Variants in EEF1A1 observed in about 807,000 individuals in gnomAD.
EEF1A1 encodes the protein elongation factor 1-alpha 1.
A neutral mutation model predicts 38.5 loss-of-function variants in EEF1A1; 1 was observed. The observed-to-expected ratio is 0.03, with a 90% CI of 0.01 to 0.12. The LOEUF (loss-of-function observed/expected upper bound fraction) is 0.12, where lower values mean the gene tolerates loss of function less well. EEF1A1 is among the 10% of genes least tolerant of loss of function. The pLI is 1.00. For missense variants in EEF1A1, 184 were observed against 588.3 expected (o/e 0.31, Z 7.11); for synonymous variants, 229 against 203.7 (o/e 1.12, Z -1.06).
chr6:73,518,906 T>TA, intron 4 of EEF1A1, 26 bp downstream of exon 4: 1 of 1,611,208 alleles, frequency 6.2e-7, no homozygotes, highest in Non-Finnish European at 8.5e-7. Context: ...CAGAGCTTTT[T>TA]AACAATGGTC....
At chr6:73,519,820 C>A in intron 2 of EEF1A1, 63 bp downstream of exon 2, 2 of 1,600,028 alleles carry the variant, frequency 1.2e-6, no homozygotes, top group Admixed American at 3.4e-5. Flanking sequence ...GGGGAAATCA[C>A]CTAATGATTC....
chr6:73,518,792 G>C lies in EEF1A1; in HGVS notation c.678C>G (p.Thr226=), dbSNP rs766506427. The C allele has an allele frequency of 3.4e-5, 55 of 1,614,054 alleles. No homozygotes were observed. The highest frequency in any genetic ancestry group is 4.7e-5 in the Non-Finnish European group (55 of 1,180,040). Residue 226 remains threonine, a synonymous_variant, in exon 5 of 8, where the codon ACC becomes ACG. Transcript: ENST00000309268. The stretch of plus-strand genomic sequence containing the variant: ...TGCAGTCCAGAGCCTCAAGCAGCGT[G>C]GTTCCACTGGCATTGCCATCCTTAC... ...VTRKDGNASG[T]TLLEALDCIL... is the part of the protein sequence containing the mutation.
In EEF1A1 at chr6:73,517,200, C is replaced by G. The variant is rs1175594538; in HGVS notation, c.*610G>C. 1 of 152,212 alleles carries G rather than the reference C, an allele frequency of 6.6e-6. No homozygotes were observed. Among genetic ancestry groups the G allele is most frequent in the Non-Finnish European group, 1.5e-5 (1 of 68,076 alleles). 9.4% of individuals were successfully genotyped at this position (152,212 alleles called of 1,614,324 possible). A position where few individuals can be genotyped will look rare whatever the true frequency, so the allele number is the denominator to read the frequency against. On this transcript the variant is annotated 3_prime_UTR_variant, in exon 8 of 8. Coordinates refer to ENST00000309268, the MANE Select transcript of EEF1A1 (RefSeq NM_001402.6). ...CCAGTAATTTGGAAACATTTTGTTTCCAAAGATTCACTTAACATTGGTTTA... is the reference window on the plus strand; with the variant it reads ...CCAGTAATTTGGAAACATTTTGTTTGCAAAGATTCACTTAACATTGGTTTA...
At chr6:73,518,324 C>T in intron 6 of EEF1A1, 30 bp downstream of exon 6, 1 of 1,611,920 alleles carries the variant, frequency 6.2e-7, no homozygotes, top group Middle Eastern at 1.7e-4. Context: ...TTAGCCTCTG[C>T]AATAAGTTAA....
chr6:73,520,112 G>T, intron 1 of EEF1A1, 56 bp from the exon 2 acceptor site: 2 of 1,503,012 alleles, frequency 1.3e-6, no homozygotes, highest in Non-Finnish European at 1.8e-6. Context: ...AATGAACCAA[G>T]ATCCAAACTC....
chr6:73,519,537 T>C (rs1326818278), intron 2 of EEF1A1, 21 bp from the exon 3 acceptor site: 5 of 1,566,406 alleles, frequency 3.2e-6, no homozygotes, highest in African/African-American at 2.7e-5. Context: ...TAAGAGTCGT[T>C]ACTTGGTTAC....
In EEF1A1 at chr6:73,515,781, C is replaced by G. The variant is rs1278197428; in HGVS notation, c.*2029G>C. ...CTTAAAATTCATTTATTGTAGTGAG[C>G]AAGTTTGTAATGAATACCAGCAGGT... On this transcript the variant is annotated 3_prime_UTR_variant, in exon 8 of 8. Coordinates refer to ENST00000309268, the MANE Select transcript of EEF1A1 (RefSeq NM_001402.6). 6.6e-6 allele frequency: 1 copy of G among 152,184 alleles called. No homozygotes were observed. The highest frequency in any genetic ancestry group is 1.9e-4 in the East Asian group (1 of 5,200). 9.4% of individuals were successfully genotyped at this position (152,184 alleles called of 1,614,324 possible). A position where few individuals can be genotyped will look rare whatever the true frequency, so the allele number is the denominator to read the frequency against.
Position 73,518,992 on chromosome 6 carries a change from T to C in EEF1A1, c.561A>G (p.Thr187=). ...YIKKIGYNPD[T]VAFVPISGWN... ...AACCAGAAATTGGCACAAATGCTAC[T>C]GTGTCGGGGTTGTAGCCAATTTTCT... The change falls in exon 4 of 8, where the codon ACA becomes ACG. Residue 187 remains threonine, a synonymous_variant. Transcript: ENST00000309268. 3.1e-6 allele frequency: 5 copies of C among 1,590,598 alleles called. No homozygotes were observed. Among genetic ancestry groups the C allele is most frequent in the South Asian group, 2.3e-5 (2 of 86,538 alleles).
At chr6:73,520,131 C>CAA in intron 1 of EEF1A1, 75 bp from the exon 2 acceptor site, 1 of 1,406,718 alleles carries the variant, frequency 7.1e-7, no homozygotes, top group Non-Finnish European at 9.5e-7. Context: ...TCAAAAAGGG[C>CAA]AAATTCCAAG....
In EEF1A1 at chr6:73,517,900, A is replaced by C. The variant is rs1765560204; in HGVS notation, c.1299T>G (p.Val433=). 6.2e-7 allele frequency: 1 copy of C among 1,613,138 alleles called. No individual in the cohort carries two copies. Among genetic ancestry groups the C allele is most frequent in the Non-Finnish European group, 8.5e-7 (1 of 1,179,798 alleles). Residue 433 remains valine, a synonymous_variant, in exon 8 of 8, where the codon GTT becomes GTG. Coordinates refer to ENST00000309268, the MANE Select transcript of EEF1A1 (RefSeq NM_001402.6). ...RFAVRDMRQT[V]AVGVIKAVDK... is the part of the protein sequence containing the mutation. ...CCACTGCTTTGATGACACCCACCGCAACTGTCTGTCTCATATCACGAACAG... is the reference window on the plus strand; with the variant it reads ...CCACTGCTTTGATGACACCCACCGCCACTGTCTGTCTCATATCACGAACAG...
At position 73,517,948 on chromosome 6, in the gene EEF1A1, A is replaced by G. The variant is rs557903705; in HGVS notation, c.1265-14T>C. The G allele has an allele frequency of 2.5e-6, 4 of 1,613,876 alleles. No homozygotes were observed. Among genetic ancestry groups the G allele is most frequent in the African/African-American group, 1.3e-5 (1 of 75,004 alleles). ...CAGCAAAGCGACCTATTAAAAAAAA[A>G]GTTAATTATTACCCAAAGTACTGTT... On this transcript the variant is annotated splice_polypyrimidine_tract_variant and intron_variant, in intron 7 of 7. Transcript: ENST00000309268.
At position 73,516,369 on chromosome 6, in the gene EEF1A1, C is replaced by CT. The variant is rs1765514591; in HGVS notation, c.*1440dup. ...GTGGCTCATGCCTGTAATTCCAGCACTTTAGGAGGCCGAGGCGATCACCTA... is the reference window on the plus strand; with the variant it reads ...GTGGCTCATGCCTGTAATTCCAGCACTTTTAGGAGGCCGAGGCGATCACCTA... On this transcript the variant is annotated 3_prime_UTR_variant, in exon 8 of 8. Transcript: ENST00000309268. 1 of 151,438 alleles carries CT rather than the reference C, an allele frequency of 6.6e-6. No individual in the cohort carries two copies. The highest frequency in any genetic ancestry group is 1.5e-5 in the Non-Finnish European group (1 of 67,884). The allele number at this position is 151,438 out of a possible 1,614,324, so 9.4% of individuals were successfully genotyped here.
chr6:73,519,641 T>G, intron 2 of EEF1A1, 125 bp from the exon 3 acceptor site: 1 of 1,264,196 alleles, frequency 7.9e-7, no homozygotes, highest in Non-Finnish European at 1.1e-6. Flanking sequence ...TTTTAGTCAC[T>G]TTGGGTTACA....
rs750948223 is a variant in EEF1A1 at position 73,518,789 on chromosome 6, C to A, written c.681G>T (p.Thr227=). Residue 227 remains threonine (T), a synonymous_variant, in exon 5 of 8, where the codon ACG becomes ACT. Coordinates refer to ENST00000309268, the MANE Select transcript of EEF1A1 (RefSeq NM_001402.6). ...GGATGCAGTCCAGAGCCTCAAGCAGCGTGGTTCCACTGGCATTGCCATCCT... is the reference window on the plus strand; with the variant it reads ...GGATGCAGTCCAGAGCCTCAAGCAGAGTGGTTCCACTGGCATTGCCATCCT... ...TRKDGNASGT[T]LLEALDCILP... 2.5e-6 allele frequency: 4 copies of A among 1,614,094 alleles called. No homozygotes were observed. The highest frequency in any genetic ancestry group is 3.4e-6 in the Non-Finnish European group (4 of 1,180,044).
At position 73,518,148 on chromosome 6, in the gene EEF1A1, A is replaced by C. The variant is rs772569323; in HGVS notation, c.1146T>G (p.Arg382=). The C allele has an allele frequency of 6.2e-7, 1 of 1,612,640 alleles. No individual in the cohort carries two copies. The highest frequency in any genetic ancestry group is 1.1e-5 in the South Asian group (1 of 90,946). Residue 382 remains arginine, a synonymous_variant, in exon 7 of 8, where the codon CGT becomes CGG. Coordinates refer to ENST00000309268, the MANE Select transcript of EEF1A1 (RefSeq NM_001402.6). ...GGCCATCTTCCAGCTTTTTACCAGAACGGCGATCAATCTTTTCCTTCAGCT... is the reference window on the plus strand; with the variant it reads ...GGCCATCTTCCAGCTTTTTACCAGACCGGCGATCAATCTTTTCCTTCAGCT... ...FAELKEKIDR[R]SGKKLEDGPK...
At position 73,519,746 on chromosome 6, in the gene EEF1A1, C is replaced by T. The variant is rs147034609; in HGVS notation, c.144+137G>A. The T allele has an allele frequency of 3.7e-4, 504 of 1,378,338 alleles. 2 individuals are homozygous for T. The East Asian group carries it at 0.011, about 30-fold the overall frequency. 85.4% of individuals were successfully genotyped at this position (1,378,338 alleles called of 1,614,324 possible). A position where few individuals can be genotyped will look rare whatever the true frequency, so the allele number is the denominator to read the frequency against. ...ATACGATTACAGAAGTCACCAAAAG[C>T]AAAATTATTTCATAAGTAAGGTCTT... On this transcript the variant is annotated intron_variant, in intron 2 of 7. Transcript: ENST00000309268.
chr6:73,518,901 CTTT>C, intron 4 of EEF1A1, 28 bp downstream of exon 4: 4 of 1,611,034 alleles, frequency 2.5e-6, no homozygotes, highest in Non-Finnish European at 2.5e-6. Context: ...ATTCCCAGAG[CTTT>C]TTAACAATGG....
Position 73,520,073 on chromosome 6 carries a change from A to G in EEF1A1, c.-30-17T>C. 1 of 1,572,468 alleles carries G rather than the reference A, an allele frequency of 6.4e-7. No homozygotes were observed. The highest frequency in any genetic ancestry group is 1.1e-5 in the South Asian group (1 of 87,024). Reference sequence around the variant, plus strand: ...TCACGACACCTGAAATGGAAGAAAAAAACTTTGAACCACTGTCTGAGGCTT... The same window carrying G: ...TCACGACACCTGAAATGGAAGAAAAGAACTTTGAACCACTGTCTGAGGCTT... On this transcript the variant is annotated splice_polypyrimidine_tract_variant and intron_variant, in intron 1 of 7. Coordinates refer to ENST00000309268, the MANE Select transcript of EEF1A1 (RefSeq NM_001402.6).
Position 73,519,326 on chromosome 6 carries a change from A to C in EEF1A1, c.324+11T>G. ...GGGATAAAGAAACCTAGAATTATTA[A>C]TCCCACCAACCTGAGATGTCCCTGT... On this transcript the variant is annotated intron_variant, in intron 3 of 7. Transcript: ENST00000309268. The C allele has an allele frequency of 6.2e-7, 1 of 1,607,094 alleles. No homozygotes were observed. The highest frequency in any genetic ancestry group is 8.5e-7 in the Non-Finnish European group (1 of 1,175,898).
Sources: gnomAD v4.1 joint callset for allele counts on GRCh38, gnomAD v4.1.1 for gene constraint, MANE v1.5 for transcripts, NCBI Gene and HGNC (gene_info 2026-07-23, HGNC 2026-07-21) for gene names.